RPS5: variants seen among roughly 807,000 people sequenced by gnomAD.
The protein encoded by RPS5 is ribosomal protein S5, also known as small ribosomal subunit protein uS7.
RPS5 carries 2 observed loss-of-function variants against 20.9 expected under a neutral mutation model. The observed-to-expected ratio is 0.10, with a 90% CI of 0.04 to 0.30. RPS5 has a LOEUF of 0.30. Among genes scored for constraint, RPS5 ranks in the 10% least tolerant of loss-of-function variants. The pLI is 1.00. For synonymous variants in RPS5, 112 were observed against 105.8 expected (o/e 1.06, Z -0.36); for missense variants, 122 against 287.2 (o/e 0.42, Z 4.16).
intron 2 of RPS5, among the ~76,000 whole-genome samples, chr19:58,392,556 C>T (rs2052370597): frequency 1.3e-5 from 2 of 151,162 alleles, no homozygotes; most frequent in Admixed American, 6.6e-5. Flanking sequence ...ACCTCGGAGT[C>T]GTAGGTTGCA....
intron 1 of RPS5, chr19:58,387,933 G>A (rs1312805397): frequency 3.4e-6 from 2 of 580,490 alleles, no homozygotes; most frequent in Non-Finnish European, 6.2e-6. Flanking sequence ...GGGCCCAGGG[G>A]TTCTAGGTGA....
At chr19:58,390,174 G>T (rs1250092960) in intron 2 of RPS5, among the ~76,000 whole-genome samples, 1 of 151,826 alleles carries the variant, frequency 6.6e-6, no homozygotes, top group East Asian at 2.0e-4. Flanking sequence ...GGGATTACAG[G>T]CATGAGCCAC....
Position 58,393,050 on chromosome 19 carries a change from C to T in RPS5, c.183C>T (p.Phe61=), listed in dbSNP as rs11545062. 6,301 of 1,614,210 alleles carry T rather than the reference C, an allele frequency of 3.9e-3. 21 individuals are homozygous for T. The highest frequency in any genetic ancestry group is 4.8e-3 in the Non-Finnish European group (5,641 of 1,180,024). ...CAGGGCGGTATGCCGCCAAACGCTTCCGCAAAGCTCAGTGTCCCATTGTGG... is the reference window on the plus strand; with the variant it reads ...CAGGGCGGTATGCCGCCAAACGCTTTCGCAAAGCTCAGTGTCCCATTGTGG... ...HSAGRYAAKR[F]RKAQCPIVER... The change falls in exon 3 of 6, where the codon TTC becomes TTT. Residue 61 remains phenylalanine (F), a synonymous_variant. Coordinates refer to ENST00000196551, the MANE Select transcript of RPS5 (RefSeq NM_001009.4).
At chr19:58,393,270 G>A in intron 3 of RPS5, 85 bp downstream of exon 3, 4 of 1,609,416 alleles carry the variant, frequency 2.5e-6, no homozygotes, top group Non-Finnish European at 3.4e-6. Flanking sequence ...CTTATCCCCT[G>A]TGTGGTGTGG....
At position 58,388,186 on chromosome 19, in the gene RPS5, A is replaced by G. The variant is rs758271059; in HGVS notation, c.49A>G (p.Ile17Val). 1 of 1,613,288 alleles carries G rather than the reference A, an allele frequency of 6.2e-7. No homozygotes were observed. The highest frequency in any genetic ancestry group is 8.5e-7 in the Non-Finnish European group (1 of 1,179,922). Residue 17 changes from isoleucine (I) to valine (V), a missense_variant, in exon 2 of 6, where the codon ATC becomes GTC. Ile to Val is a conservative substitution (Grantham distance 29). Transcript: ENST00000196551. ...ACCAGCGGTGGCAGAGACCCCAGAC[A>G]TCAAGCTCTTTGGGAAGTGGAGCAC... The part of the protein sequence containing the change: ...AAPAVAETPD[I>V]KLFGKWSTDD...
chr19:58,388,587 T>TC (rs916639725), intron 2 of RPS5: 15 of 394,870 alleles, frequency 3.8e-5, no homozygotes, highest in Middle Eastern at 1.3e-3. Context: ...ATGTTTTTTT[T>TC]CCCTCAATTG....
chr19:58,393,613 G>T, intron 4 of RPS5, 126 bp downstream of exon 4: 1 of 1,290,568 alleles, frequency 7.7e-7, no homozygotes, highest in Non-Finnish European at 1.0e-6. Context: ...CCTCTAGGAA[G>T]CCTTCCTGGA....
At chr19:58,393,666 T>A in intron 4 of RPS5, 179 bp downstream of exon 4, 1 of 697,630 alleles carries the variant, frequency 1.4e-6, no homozygotes, top group Non-Finnish European at 2.3e-6. Flanking sequence ...TGGGTCCTCT[T>A]CGGGAACACA....
At chr19:58,387,806 A>G (rs2052336114) in intron 1 of RPS5, 1 of 317,556 alleles carries the variant, frequency 3.1e-6, no homozygotes. Context: ...AGACCATGTA[A>G]ATCGCGAGAT....
intron 2 of RPS5, among the ~76,000 whole-genome samples, chr19:58,392,411 G>A (rs763280802): frequency 2.0e-5 from 3 of 151,988 alleles, no homozygotes; most frequent in African/African-American, 7.3e-5. Flanking sequence ...GGATCACAAG[G>A]CCAGGAGTTC....
chr19:58,393,174 C>T lies in RPS5; in HGVS notation c.307C>T (p.Leu103Phe). Reference sequence around the variant, plus strand: ...GCATGCCTTCGAGATCATACACCTGCTCACAGGCGAGGTAGGGCTCTGTGG... The same window carrying T: ...GCATGCCTTCGAGATCATACACCTGTTCACAGGCGAGGTAGGGCTCTGTGG... The part of the protein sequence containing the change: ...VKHAFEIIHL[L>F]TGENPLQVLV... The change falls in exon 3 of 6, where the codon CTC (leucine) becomes TTC (phenylalanine). Residue 103 changes from leucine to phenylalanine, a missense_variant. By Grantham distance (22) the Leu-to-Phe change is conservative. Around this residue, in one of 6 missense-constraint regions of RPS5, gnomAD observed 49 missense variants for 64.9 expected, o/e 0.75. Coordinates refer to ENST00000196551, the MANE Select transcript of RPS5 (RefSeq NM_001009.4). 6.2e-7 allele frequency: 1 copy of T among 1,614,244 alleles called. No individual in the cohort carries two copies. Among genetic ancestry groups the T allele is most frequent in the Non-Finnish European group, 8.5e-7 (1 of 1,180,040 alleles).
chr19:58,394,219 C>A lies in RPS5; in HGVS notation c.448-278C>A, dbSNP rs2052382274. 3 of 413,870 alleles carry A rather than the reference C, an allele frequency of 7.2e-6. No homozygotes were observed. In the East Asian group the frequency reaches 1.3e-4, roughly 19 times the overall value. The allele number at this position is 413,870 out of a possible 1,614,324, so 25.6% of individuals were successfully genotyped here. ...CCTGCCTCAGCATCCCGAAGTGTTA[C>A]AGGCGCAAGCCACCGTGCCCGGCCG... On this transcript the variant is annotated intron_variant, in intron 4 of 5. Transcript: ENST00000196551.
chr19:58,388,421 A>G, intron 2 of RPS5, 176 bp downstream of exon 2: 1 of 594,670 alleles, frequency 1.7e-6, no homozygotes, highest in East Asian at 2.8e-5. Context: ...TTCAAAGATG[A>G]CTACAACTTC....
Position 58,394,598 on chromosome 19 carries a change from G to A in RPS5, c.546+3G>A, listed in dbSNP as rs772800432. The A allele has an allele frequency of 1.9e-6, 3 of 1,613,944 alleles. No individual in the cohort carries two copies. The highest frequency in any genetic ancestry group is 1.3e-5 in the African/African-American group (1 of 74,914). The stretch of plus-strand genomic sequence containing the variant: ...ATGAGCTCATCAATGCTGCCAAGGT[G>A]GGTGAGGGCACTCCGGTTGGGGGGT... On this transcript the variant is annotated splice_donor_region_variant and intron_variant, in intron 5 of 5. Transcript: ENST00000196551.
intron 2 of RPS5, among the ~76,000 whole-genome samples, chr19:58,392,714 C>A (rs2052371661): frequency 6.6e-6 from 1 of 151,734 alleles, no homozygotes; most frequent in Non-Finnish European, 1.5e-5. Context: ...ATTATCTGGT[C>A]CAAAATCTAG....
chr19:58,390,824 C>T (rs917263013), intron 2 of RPS5, among the ~76,000 whole-genome samples: 20 of 152,084 alleles, frequency 1.3e-4, no homozygotes, highest in East Asian at 1.2e-3. Context: ...GAAAGCCCTG[C>T]GTGAATGCCC....
rs112583937 is a variant in RPS5, at chr19:58,387,275, C to T, written c.-66C>T. 5 of 152,296 alleles carry T rather than the reference C, an allele frequency of 3.3e-5. No individual in the cohort carries two copies. Among genetic ancestry groups the T allele is most frequent in the South Asian group, 2.1e-4 (1 of 4,836 alleles). 9.4% of individuals were successfully genotyped at this position (152,296 alleles called of 1,614,324 possible). The stretch of plus-strand genomic sequence containing the variant: ...TTGGCCCGCGGCGCGCGGCCTCTTC[C>T]TGTCTGTACCAGGGCGGCGCGTGGT... On this transcript the variant is annotated 5_prime_UTR_variant, in exon 1 of 6. Coordinates refer to ENST00000196551, the MANE Select transcript of RPS5 (RefSeq NM_001009.4).
intron 4 of RPS5, 169 bp from the exon 5 acceptor site, chr19:58,394,328 C>T (rs1018169870): frequency 2.4e-5 from 15 of 618,234 alleles, no homozygotes; most frequent in Non-Finnish European, 4.1e-5. Context: ...TGTCTGGACA[C>T]TTGCTCTTGT....
intron 2 of RPS5, chr19:58,388,636 G>GTTTT (rs3048304): frequency 0.011 from 2,214 of 208,560 alleles, 47 homozygotes; most frequent in Non-Finnish European, 0.013. Flanking sequence ...GCTGGCCGTA[G>GTTTT]TTTTTTTTTT....
Sources: gnomAD v4.1 joint callset for allele counts (sites outside exome capture counted in the v4.1 genomes callset) on GRCh38, gnomAD v4.1.1 for gene constraint, gnomAD v4.1.1 regional missense constraint, MANE v1.5 for transcripts, NCBI Gene and HGNC (gene_info 2026-07-23, HGNC 2026-07-21) for gene names.